The following ARHGEF16 variants were observed in gnomAD, a reference collection of about 807,000 sequenced individuals.
The protein encoded by ARHGEF16 is Rho guanine exchange factor (GEF) 16.
In ARHGEF16, 59 loss-of-function variants were observed where a neutral mutation model predicts 74.1. The observed-to-expected ratio is 0.80, with a 90% CI of 0.65 to 0.99. The LOEUF (loss-of-function observed/expected upper bound fraction) is 0.99, where lower values mean the gene tolerates loss of function less well. Among genes scored for constraint, ARHGEF16 ranks in the 50% least tolerant of loss-of-function variants. ARHGEF16 has a pLI of 0.00. For missense variants in ARHGEF16, 948 were observed against 986.6 expected (o/e 0.96, Z 0.52); for synonymous variants, 415 against 412.6 (o/e 1.01, Z -0.07).
chr1:3,467,468 C>A, intron 4 of ARHGEF16, 131 bp downstream of exon 4: 2 of 1,157,192 alleles, frequency 1.7e-6, no homozygotes, highest in Non-Finnish European at 2.4e-6. Flanking sequence ...GGGTGGGCAG[C>A]CTTCCCAGAA....
rs1417112299 is a variant in ARHGEF16 at position 3,454,733 on chromosome 1, T to G, written c.-98T>G. On this transcript the variant is annotated 5_prime_UTR_variant, in exon 1 of 15. Coordinates refer to ENST00000378378, the MANE Select transcript of ARHGEF16 (RefSeq NM_014448.4). ...CGCGCTGCCGCAGGAGCGAAGCGGC[T>G]GCAGGACAGGACAGGACCCGGCGCT... The G allele has an allele frequency of 1.3e-5, 2 of 152,108 alleles. No individual in the cohort carries two copies. The highest frequency in any genetic ancestry group is 4.8e-5 in the African/African-American group (2 of 41,416). The allele number at this position is 152,108 out of a possible 1,614,324, so 9.4% of individuals were successfully genotyped here.
Position 3,473,144 on chromosome 1 carries a change from G to A in ARHGEF16, c.1089G>A (p.Leu363=), listed in dbSNP as rs1319659293. 3 of 1,613,350 alleles carry A rather than the reference G, an allele frequency of 1.9e-6. No homozygotes were observed. The highest frequency in any genetic ancestry group is 1.3e-5 in the African/African-American group (1 of 74,946). Residue 363 remains leucine (L), a synonymous_variant, in exon 7 of 15, where the codon CTG becomes CTA. Coordinates refer to ENST00000378378, the MANE Select transcript of ARHGEF16 (RefSeq NM_014448.4). ...TGGTCGAGGACATCAGTGACATCCTGGAGGAGCACGCTGAGAAGCACTTCC... is the reference window on the plus strand; with the variant it reads ...TGGTCGAGGACATCAGTGACATCCTAGAGGAGCACGCTGAGAAGCACTTCC... ...QVLVEDISDI[L]EEHAEKHFHP...
intron 1 of ARHGEF16, among the ~76,000 whole-genome samples, chr1:3,462,125 G>A (rs1639412466): frequency 6.6e-6 from 1 of 152,056 alleles, no homozygotes; most frequent in Non-Finnish European, 1.5e-5. Flanking sequence ...ACGGGGTGTG[G>A]GGATCGGGCT....
At chr1:3,466,397 T>C (rs1018186585) in intron 3 of ARHGEF16, among the ~76,000 whole-genome samples, 2 of 152,218 alleles carry the variant, frequency 1.3e-5, no homozygotes, top group East Asian at 1.9e-4. Flanking sequence ...AAAGTTCCCT[T>C]GGACTCTATT....
intron 1 of ARHGEF16, among the ~76,000 whole-genome samples, chr1:3,462,343 G>A (rs929798122): frequency 1.1e-4 from 17 of 152,230 alleles, no homozygotes; most frequent in Non-Finnish European, 2.1e-4. Flanking sequence ...GTTGCCTGGT[G>A]TGTGGAAAGG....
At chr1:3,459,588 C>T (rs890357534) in intron 1 of ARHGEF16, among the ~76,000 whole-genome samples, 3 of 152,066 alleles carry the variant, frequency 2.0e-5, no homozygotes, top group African/African-American at 7.2e-5. Context: ...AGGGTGAGGC[C>T]CAGAGCACTG....
intron 10 of ARHGEF16, among the ~76,000 whole-genome samples, chr1:3,477,540 G>A (rs914064106): frequency 4.6e-5 from 7 of 151,170 alleles, no homozygotes; most frequent in Admixed American, 1.3e-4. Flanking sequence ...CAGCGTCTGC[G>A]TAATTGCCAC....
Position 3,480,793 on chromosome 1 carries a change from C to A in ARHGEF16, c.*206C>A. 1 of 701,742 alleles carries A rather than the reference C, an allele frequency of 1.4e-6. No individual in the cohort carries two copies. Among genetic ancestry groups the A allele is most frequent in the Non-Finnish European group, 2.3e-6 (1 of 434,878 alleles). 43.5% of individuals were successfully genotyped at this position (701,742 alleles called of 1,614,324 possible). On this transcript the variant is annotated 3_prime_UTR_variant, in exon 15 of 15. Coordinates refer to ENST00000378378, the MANE Select transcript of ARHGEF16 (RefSeq NM_014448.4). ...CCAGAGAGGCACCCCCAGGCAAGCT[C>A]GAGGGGGCCACACCGTGTCCCAGGG...
chr1:3,478,506 C>T lies in ARHGEF16; in HGVS notation c.1708C>T (p.Pro570Ser), dbSNP rs1639959145. The change falls in exon 12 of 15, where the codon CCC becomes TCC. Residue 570 changes from proline (P) to serine (S), a missense_variant. By Grantham distance (74) the Pro-to-Ser change is moderately conservative. Transcript: ENST00000378378. ...GATAGAGCCGTCTGAGCTCCCTCTG[C>T]CCGGGGGCGGCAACCGTAGCTCCTC... ...EKIEPSELPL[P>S]GGGNRSSSVP... 2 of 1,612,674 alleles carry T rather than the reference C, an allele frequency of 1.2e-6. No homozygotes were observed. Among genetic ancestry groups the T allele is most frequent in the Non-Finnish European group, 1.7e-6 (2 of 1,179,860 alleles).
intron 1 of ARHGEF16, among the ~76,000 whole-genome samples, chr1:3,456,918 G>C (rs898176962): frequency 6.6e-6 from 1 of 152,208 alleles, no homozygotes; most frequent in Non-Finnish European, 1.5e-5. Flanking sequence ...GCACTTCCCC[G>C]CCCCCACCGC....
intron 10 of ARHGEF16, among the ~76,000 whole-genome samples, chr1:3,477,660 C>CGGGCCT (rs5772105): frequency 6.6e-6 from 1 of 151,694 alleles, no homozygotes; most frequent in South Asian, 2.1e-4. Context: ...GGGTCTGGTC[C>CGGGCCT]GGCCTGGCGC....
At chr1:3,460,904 G>A (rs746950028) in intron 1 of ARHGEF16, among the ~76,000 whole-genome samples, 1 of 152,172 alleles carries the variant, frequency 6.6e-6, no homozygotes, top group Non-Finnish European at 1.5e-5. Flanking sequence ...GAGAATTTGT[G>A]TCCTGGGAGA....
chr1:3,478,225 AC>A, intron 11 of ARHGEF16, 198 bp from the exon 12 acceptor site: 3 of 911,378 alleles, frequency 3.3e-6, no homozygotes, highest in Non-Finnish European at 5.0e-6. Context: ...TCCTCTGCAG[AC>A]CTGGGTCTGC....
chr1:3,471,706 G>A (rs948015174), intron 6 of ARHGEF16: 1 of 1,236,454 alleles, frequency 8.1e-7, no homozygotes, highest in Non-Finnish European at 1.0e-6. Flanking sequence ...CCCTGGGGCG[G>A]GAAGCTCCGG....
Position 3,473,628 on chromosome 1 carries a change from G to A in ARHGEF16, c.1305+106G>A, listed in dbSNP as rs1015149910. ...ACGTGCTTGTGACCTTCTCCTCCAG[G>A]CTTGGCCTATGATATTGTAATAGTT... On this transcript the variant is annotated intron_variant, in intron 8 of 14. Coordinates refer to ENST00000378378, the MANE Select transcript of ARHGEF16 (RefSeq NM_014448.4). 3.9e-6 allele frequency: 6 copies of A among 1,546,144 alleles called. No homozygotes were observed. The African/African-American group carries it at 8.1e-5, about 21-fold the overall frequency.
chr1:3,470,484 C>T (rs368328183), intron 6 of ARHGEF16, among the ~76,000 whole-genome samples: 3 of 137,996 alleles, frequency 2.2e-5, no homozygotes, highest in East Asian at 4.6e-4. Context: ...GATGTGTGTG[C>T]ATGGACGGGT....
chr1:3,470,325 C>T (rs772033621), intron 6 of ARHGEF16, among the ~76,000 whole-genome samples: 15 of 140,142 alleles, frequency 1.1e-4, no homozygotes, highest in African/African-American at 2.2e-4. Flanking sequence ...TGTGTCTGCA[C>T]GGGTGTGTGT....
chr1:3,473,006 A>G, intron 6 of ARHGEF16, 72 bp from the exon 7 acceptor site: 6 of 1,522,348 alleles, frequency 3.9e-6, no homozygotes, highest in Non-Finnish European at 5.4e-6. Context: ...ATGCAGATGC[A>G]TGTCTGTGTG....
At chr1:3,477,208 C>T (rs139818501) in intron 10 of ARHGEF16, among the ~76,000 whole-genome samples, 9 of 150,646 alleles carry the variant, frequency 6.0e-5, no homozygotes, top group East Asian at 2.0e-4. Flanking sequence ...TGTCAACAGT[C>T]GCTGAGGAGC....
Sources: allele counts gnomAD v4.1 joint callset (sites outside exome capture counted in the v4.1 genomes callset), GRCh38; gene constraint gnomAD v4.1.1; transcripts MANE v1.5; gene names NCBI Gene and HGNC (gene_info 2026-07-23, HGNC 2026-07-21).